NLRP3: variants seen among roughly 807,000 people sequenced by gnomAD.
NLRP3 encodes the protein NACHT, LRR and PYD domains-containing protein 3.
A neutral mutation model predicts 91.3 loss-of-function variants in NLRP3; 48 were observed. The observed-to-expected ratio is 0.53, with a 90% CI of 0.42 to 0.67. The LOEUF (loss-of-function observed/expected upper bound fraction) is 0.67, where lower values mean the gene tolerates loss of function less well. Among genes scored for constraint, NLRP3 ranks in the 30% least tolerant of loss-of-function variants. The probability of loss-of-function intolerance (pLI) is 0.00; values close to 1 mark genes in which losing one functional copy is unlikely to be tolerated. For missense variants in NLRP3, 982 were observed against 1,276.9 expected (o/e 0.77, Z 3.52); for synonymous variants, 561 against 507.9 (o/e 1.10, Z -1.41).
chr1:247,442,754 A>G (rs182887509), intron 7 of NLRP3, among the ~76,000 whole-genome samples: 2 of 152,184 alleles, frequency 1.3e-5, no homozygotes, highest in African/African-American at 2.4e-5. Context: ...CTTCCTTGCC[A>G]GGTTGATATA....
chr1:247,434,444 G>A (rs111674929), intron 6 of NLRP3, among the ~76,000 whole-genome samples, 171 bp downstream of exon 6: 49 of 152,268 alleles, frequency 3.2e-4, no homozygotes, highest in African/African-American at 1.1e-3. Context: ...AGTGTTTGTC[G>A]TGGGGAAAGC....
At chr1:247,448,290 T>TA (rs1491291744) in intron 9 of NLRP3, 115 bp from the exon 10 acceptor site, 3 of 456,006 alleles carry the variant, frequency 6.6e-6, no homozygotes, top group Non-Finnish European at 1.2e-5. Context: ...TTTTTTTTTT[T>TA]ACATTTTAGA....
At chr1:247,443,067 A>G (rs1172433533) in intron 7 of NLRP3, among the ~76,000 whole-genome samples, 2 of 152,174 alleles carry the variant, frequency 1.3e-5, no homozygotes, top group Non-Finnish European at 2.9e-5. Flanking sequence ...CTGGGATTAC[A>G]GGTGCCCACC....
chr1:247,434,327 C>G (rs72771997), intron 6 of NLRP3, 54 bp downstream of exon 6: 1 of 1,602,778 alleles, frequency 6.2e-7, no homozygotes, highest in African/African-American at 1.3e-5. Context: ...GTGCTGCGCA[C>G]TCTGGCTTCA....
At chr1:247,442,337 G>C (rs987511718) in intron 7 of NLRP3, among the ~76,000 whole-genome samples, 2 of 152,130 alleles carry the variant, frequency 1.3e-5, no homozygotes, top group Non-Finnish European at 2.9e-5. Context: ...CATTGCCAAG[G>C]ACTCTGGCAG....
intron 2 of NLRP3, among the ~76,000 whole-genome samples, chr1:247,422,266 C>CACG (rs1263478117): frequency 6.6e-6 from 1 of 151,394 alleles, no homozygotes; most frequent in Admixed American, 6.6e-5. Flanking sequence ...ATAGTCCCAG[C>CACG]TGTTCTGGAG....
chr1:247,419,372 C>T (rs1203789665), intron 2 of NLRP3, among the ~76,000 whole-genome samples: 1 of 152,054 alleles, frequency 6.6e-6, no homozygotes, highest in Non-Finnish European at 1.5e-5. Flanking sequence ...TCAGGTTGGT[C>T]TCAAACTCCC....
chr1:247,437,465 T>C (rs971404589), intron 7 of NLRP3, among the ~76,000 whole-genome samples: 5 of 152,224 alleles, frequency 3.3e-5, no homozygotes, highest in African/African-American at 1.2e-4. Flanking sequence ...TGACCATATC[T>C]CTTTCTATGA....
chr1:247,431,670 T>A (rs1663340489), intron 5 of NLRP3, among the ~76,000 whole-genome samples: 1 of 152,206 alleles, frequency 6.6e-6, no homozygotes, highest in African/African-American at 2.4e-5. Context: ...CTCTTTGGTC[T>A]CCCTGTGTCT....
chr1:247,439,776 A>T (rs1212115172), intron 7 of NLRP3, among the ~76,000 whole-genome samples: 1 of 152,074 alleles, frequency 6.6e-6, no homozygotes, highest in Non-Finnish European at 1.5e-5. Context: ...TTCCATGCTG[A>T]TTTGTGTAGA....
At position 247,436,084 on chromosome 1, in the gene NLRP3, A is replaced by G. The variant is rs775434208; in HGVS notation, c.2607A>G (p.Gly869=). The G allele has an allele frequency of 1.2e-6, 2 of 1,614,084 alleles. No homozygotes were observed. The highest frequency in any genetic ancestry group is 2.7e-5 in the African/African-American group (2 of 74,936). The part of the protein sequence containing the change: ...YVGENALGDS[G]VAILCEKAKN... ...GGGAGAATGCCTTGGGAGACTCAGG[A>G]GTCGCAATTTTATGTGAAAAAGCCA... Residue 869 remains glycine, a synonymous_variant, in exon 7 of 10, where the codon GGA becomes GGG. Transcript: ENST00000336119.
rs1338960862 is a variant in NLRP3 at position 247,424,081 on chromosome 1, A to G, written c.632A>G (p.Asp211Gly). Residue 211 changes from aspartate (D) to glycine (G), a missense_variant, in exon 4 of 10, where the codon GAT becomes GGT. Physicochemically the swap from Asp to Gly is moderately conservative, Grantham distance 94 (BLOSUM62 -1). Coordinates refer to ENST00000336119, the MANE Select transcript of NLRP3 (RefSeq NM_001243133.2). The surrounding 1 kb of genome is among the most constrained non-coding windows in gnomAD (Gnocchi z 8.1). ...ATGGAGTTGCTGTTTGACCCCGATG[A>G]TGAGCATTCTGAGCCTGTGCACACC... ...IKMELLFDPDDEHSEPVHTVV... is the reference protein window; with the variant it reads ...IKMELLFDPDGEHSEPVHTVV... The G allele has an allele frequency of 1.2e-6, 2 of 1,614,030 alleles. No homozygotes were observed. Among genetic ancestry groups the G allele is most frequent in the South Asian group, 2.2e-5 (2 of 91,064 alleles).
At chr1:247,432,009 C>T (rs879649387) in intron 5 of NLRP3, among the ~76,000 whole-genome samples, 20 of 152,016 alleles carry the variant, frequency 1.3e-4, no homozygotes, top group Non-Finnish European at 2.5e-4. Flanking sequence ...AGCAATTCTT[C>T]GAGTAGTTGG....
rs1031905445 is a variant in NLRP3, at chr1:247,441,423, A to C, written c.2664-2549A>C. ...GCCTGGGTAATGTTTAAAATGTTTAAAATTTTTTATGTAGAGACAGGGTCT... is the reference window on the plus strand; with the variant it reads ...GCCTGGGTAATGTTTAAAATGTTTACAATTTTTTATGTAGAGACAGGGTCT... On this transcript the variant is annotated intron_variant, in intron 7 of 9. Coordinates refer to ENST00000336119, the MANE Select transcript of NLRP3 (RefSeq NM_001243133.2). Among the ~76,000 whole-genome samples, 6 of 151,812 alleles carry C rather than the reference A, an allele frequency of 4.0e-5. 1 individual carries two copies. Among genetic ancestry groups the C allele is most frequent in the Non-Finnish European group, 7.4e-5 (5 of 67,960 alleles).
intron 5 of NLRP3, among the ~76,000 whole-genome samples, chr1:247,432,449 A>G (rs892094576): frequency 5.3e-5 from 8 of 152,348 alleles, no homozygotes; most frequent in Middle Eastern, 3.4e-3. Context: ...ATGGCTGAGC[A>G]GTATTCCATT....
chr1:247,418,579 G>A lies in NLRP3; in HGVS notation c.-222G>A, dbSNP rs532813680. The A allele has an allele frequency of 5.3e-6, 3 of 565,510 alleles. No homozygotes were observed. Among genetic ancestry groups the A allele is most frequent in the African/African-American group, 3.7e-5 (2 of 53,420 alleles). The allele number at this position is 565,510 out of a possible 1,614,324, so 35.0% of individuals were successfully genotyped here. A position where few individuals can be genotyped will look rare whatever the true frequency, so the allele number is the denominator to read the frequency against. ...GGCCTCTCAAAGTGCTGGGATTACA[G>A]GCGTGAGCCACTGTGCCCGGCCTTG... is the stretch of plus-strand genomic sequence containing the variant. On this transcript the variant is annotated 5_prime_UTR_variant, in exon 2 of 10. Coordinates refer to ENST00000336119, the MANE Select transcript of NLRP3 (RefSeq NM_001243133.2).
At chr1:247,423,459 GA>G (rs1285421666) in intron 3 of NLRP3, 110 bp downstream of exon 3, 3 of 1,255,154 alleles carry the variant, frequency 2.4e-6, no homozygotes, top group Non-Finnish European at 3.5e-6. Flanking sequence ...CTGCTCTTTG[GA>G]ATGCAAAGGC....
At chr1:247,426,269 C>G (rs72771993) in intron 4 of NLRP3, among the ~76,000 whole-genome samples, 1 of 152,186 alleles carries the variant, frequency 6.6e-6, no homozygotes, top group Non-Finnish European at 1.5e-5. Context: ...CCCCATGTTG[C>G]TCTGCACTGG....
rs143548979 is a variant in NLRP3 at position 247,448,447 on chromosome 1, A to C, written c.3048A>C (p.Leu1016Phe). The part of the protein sequence containing the change: ...MYFNYETKSA[L>F]ETLQEEKPEL... ...TCAATTATGAGACAAAAAGTGCGTT[A>C]GAAACACTTCAAGAAGAAAAGCCTG... Residue 1016 changes from leucine to phenylalanine, a missense_variant, in exon 10 of 10, where the codon TTA (leucine) becomes TTC (phenylalanine). Leu to Phe is a conservative substitution (Grantham distance 22). Transcript: ENST00000336119. 169 of 1,613,710 alleles carry C rather than the reference A, an allele frequency of 1.0e-4. No individual in the cohort carries two copies. In the African/African-American group the frequency reaches 2.0e-3, roughly 19 times the overall value.
Sources: allele counts gnomAD v4.1 joint callset (sites outside exome capture counted in the v4.1 genomes callset), GRCh38; gene constraint gnomAD v4.1.1; non-coding constraint Gnocchi (gnomAD v3.1); transcripts MANE v1.5; gene names NCBI Gene and HGNC (gene_info 2026-07-23, HGNC 2026-07-21).